The following WWOX variants were observed in gnomAD, a reference collection of about 807,000 sequenced individuals.
WWOX encodes WW domain containing oxidoreductase.
In WWOX, 69 loss-of-function variants were observed where a neutral mutation model predicts 46.2. The observed-to-expected ratio is 1.49, with a 90% CI of 1.23 to 1.82. WWOX has a LOEUF of 1.82. WWOX is among the 40% of genes most tolerant of loss of function. The pLI, the probability that WWOX is intolerant of heterozygous loss-of-function variation, is 0.00. For missense variants in WWOX, 919 were observed against 542.6 expected, an observed-to-expected ratio of 1.69 and a Z score of -6.89; for synonymous variants, 359 against 202.6, an observed-to-expected ratio of 1.77 and a Z score of -6.56.
At chr16:78,413,308 G>C (rs1386211608) in intron 6 of WWOX, among the ~76,000 whole-genome samples, 1 of 152,160 alleles carries the variant, frequency 6.6e-6, no homozygotes, top group Non-Finnish European at 1.5e-5. Context: ...ACCAAACAGG[G>C]TTTGTGTGAA....
chr16:78,773,328 A>G (rs1035111107), intron 8 of WWOX, among the ~76,000 whole-genome samples: 1 of 152,130 alleles, frequency 6.6e-6, no homozygotes, highest in East Asian at 1.9e-4. Flanking sequence ...AGCACTCCCT[A>G]TCCCTAAGGT....
chr16:78,427,694 C>A (rs918767118), intron 7 of WWOX, among the ~76,000 whole-genome samples: 4 of 152,048 alleles, frequency 2.6e-5, no homozygotes, highest in African/African-American at 4.8e-5. Flanking sequence ...GGGAGGATGG[C>A]TTGAGCCCAG....
At position 79,212,662 on chromosome 16, in the gene WWOX, A is replaced by G. The variant is rs550063209; in HGVS notation, c.*866A>G. On this transcript the variant is annotated 3_prime_UTR_variant, in exon 9 of 9. Coordinates refer to ENST00000566780, the MANE Select transcript of WWOX (RefSeq NM_016373.4). The stretch of plus-strand genomic sequence containing the variant: ...ATGCTTAATAAAAGAACATGCTTGA[A>G]TATCATCACCTGAAGTTTGTATTGT... 3.6e-4 allele frequency: 54 copies of G among 148,616 alleles called. No homozygotes were observed. The highest frequency in any genetic ancestry group is 7.2e-4 in the Non-Finnish European group (47 of 65,320). 9.2% of individuals were successfully genotyped at this position (148,616 alleles called of 1,614,324 possible).
At chr16:78,818,851 A>C (rs1336020335) in intron 8 of WWOX, among the ~76,000 whole-genome samples, 2 of 152,230 alleles carry the variant, frequency 1.3e-5, no homozygotes, top group Non-Finnish European at 2.9e-5. Context: ...ATATTGGCAG[A>C]AATTCGTTAG....
intron 8 of WWOX, among the ~76,000 whole-genome samples, chr16:78,915,654 T>A (rs561348053): frequency 5.9e-5 from 9 of 151,424 alleles, no homozygotes; most frequent in South Asian, 2.1e-4. Flanking sequence ...GATAGTTTCT[T>A]ACCGTTTGGG....
intron 8 of WWOX, among the ~76,000 whole-genome samples, chr16:79,030,345 A>G (rs533644544): frequency 6.6e-6 from 1 of 152,302 alleles, no homozygotes; most frequent in East Asian, 1.9e-4. Flanking sequence ...GAATCTGACA[A>G]ATTTAGTTGC....
chr16:78,122,023 TGA>T (rs148741694), intron 4 of WWOX, among the ~76,000 whole-genome samples: 1 of 151,988 alleles, frequency 6.6e-6, no homozygotes, highest in South Asian at 2.1e-4. Flanking sequence ...ATACTAATTT[TGA>T]GAGAGAGAGA....
In WWOX at chr16:78,984,749, C is replaced by A. The variant is rs2046751320; in HGVS notation, c.1057-226859C>A. On this transcript the variant is annotated intron_variant, in intron 8 of 8. Coordinates refer to ENST00000566780, the MANE Select transcript of WWOX (RefSeq NM_016373.4). Reference sequence around the variant, plus strand: ...GTTTAGTTAGAAGTGGTCAGACTTTCTTCGTCCTCTTTTCGTGATTTCCTC... The same window carrying A: ...GTTTAGTTAGAAGTGGTCAGACTTTATTCGTCCTCTTTTCGTGATTTCCTC... Among the ~76,000 whole-genome samples the A allele has an allele frequency of 1.3e-5, 2 of 152,336 alleles. 1 individual carries two copies. Among genetic ancestry groups the A allele is most frequent in the East Asian group, 3.9e-4 (2 of 5,178 alleles).
chr16:79,212,344 G>A lies in WWOX; in HGVS notation c.*548G>A, dbSNP rs2051793719. On this transcript the variant is annotated 3_prime_UTR_variant, in exon 9 of 9. Transcript: ENST00000566780. ...GAACCTTGTCCCAGCCAGTGAGGAT[G>A]ACAGTGACACCCAGAGGGAGTAGAA... The A allele has an allele frequency of 1.1e-5, 7 of 651,340 alleles. No individual in the cohort carries two copies. Among genetic ancestry groups the A allele is most frequent in the Non-Finnish European group, 1.3e-5 (5 of 399,318 alleles). 40.3% of individuals were successfully genotyped at this position (651,340 alleles called of 1,614,324 possible).
At chr16:78,296,088 A>G (rs2079939737) in intron 5 of WWOX, among the ~76,000 whole-genome samples, 1 of 152,240 alleles carries the variant, frequency 6.6e-6, no homozygotes, top group Non-Finnish European at 1.5e-5. Flanking sequence ...TCATTGCTTT[A>G]AAACTAGCTC....
At chr16:78,313,242 T>A (rs1379529996) in intron 5 of WWOX, among the ~76,000 whole-genome samples, 1 of 152,228 alleles carries the variant, frequency 6.6e-6, no homozygotes, top group Non-Finnish European at 1.5e-5. Flanking sequence ...ACTGGGATCC[T>A]TGACTTCCTT....
At chr16:78,171,195 T>C (rs2035147669) in intron 5 of WWOX, among the ~76,000 whole-genome samples, 1 of 152,200 alleles carries the variant, frequency 6.6e-6, no homozygotes, top group Non-Finnish European at 1.5e-5. Context: ...TTGTTGTTGT[T>C]GTTTTCCCTG....
At chr16:79,136,495 C>G (rs768110269) in intron 8 of WWOX, among the ~76,000 whole-genome samples, 1 of 152,182 alleles carries the variant, frequency 6.6e-6, no homozygotes, top group Non-Finnish European at 1.5e-5. Context: ...TCCCAAAGTG[C>G]TGGGATTACA....
intron 8 of WWOX, among the ~76,000 whole-genome samples, chr16:78,501,721 G>T (rs1332874374): frequency 6.6e-6 from 1 of 152,072 alleles, no homozygotes; most frequent in Non-Finnish European, 1.5e-5. Flanking sequence ...ACTTTTATTA[G>T]AGACAGAGTT....
chr16:78,482,479 T>C (rs951006316), intron 8 of WWOX, among the ~76,000 whole-genome samples: 1 of 152,182 alleles, frequency 6.6e-6, no homozygotes, highest in African/African-American at 2.4e-5. Flanking sequence ...TGCCTTGGCC[T>C]CCGAAAGTGC....
intron 8 of WWOX, chr16:78,996,163 A>T: frequency 1.0e-6 from 1 of 953,838 alleles, no homozygotes; most frequent in Non-Finnish European, 1.2e-6. Flanking sequence ...TTTTTTTTTA[A>T]CGAAACTCAC....
intron 8 of WWOX, among the ~76,000 whole-genome samples, chr16:78,865,732 T>A (rs1292557039): frequency 6.6e-6 from 1 of 152,030 alleles, no homozygotes; most frequent in Non-Finnish European, 1.5e-5. Context: ...ATACAAAAAT[T>A]AGCCATGCTT....
intron 5 of WWOX, among the ~76,000 whole-genome samples, chr16:78,200,481 G>A (rs897684582): frequency 6.7e-6 from 1 of 149,662 alleles, no homozygotes; most frequent in Non-Finnish European, 1.5e-5. Context: ...ATGTTGTGAG[G>A]GCTCACACTG....
intron 8 of WWOX, among the ~76,000 whole-genome samples, chr16:78,764,748 A>G (rs533856732): frequency 7.3e-5 from 11 of 151,528 alleles, no homozygotes; most frequent in African/African-American, 1.7e-4. Flanking sequence ...TGAGGATTCA[A>G]TGAGGTACTG....
Sources: allele counts gnomAD v4.1 joint callset (sites outside exome capture counted in the v4.1 genomes callset), GRCh38; gene constraint gnomAD v4.1.1; transcripts MANE v1.5; gene names NCBI Gene and HGNC (gene_info 2026-07-23, HGNC 2026-07-21).